DSCAM: variants seen among roughly 807,000 people sequenced by gnomAD.
DSCAM encodes the protein cell adhesion molecule DSCAM.
DSCAM carries 47 observed loss-of-function variants against 217.7 expected under a neutral mutation model. That is an observed-to-expected ratio of 0.22 (90% CI 0.17 to 0.28). The LOEUF (loss-of-function observed/expected upper bound fraction) is 0.28, where lower values mean the gene tolerates loss of function less well. Among genes scored for constraint, DSCAM ranks in the 10% least tolerant of loss-of-function variants. DSCAM has a pLI of 1.00. For synonymous variants in DSCAM, 1,056 were observed against 1,015.3 expected (o/e 1.04, Z -0.76); for missense variants, 2,080 against 2,618.3 (o/e 0.79, Z 4.49).
intron 3 of DSCAM, among the ~76,000 whole-genome samples, chr21:40,619,607 C>T (rs1438018000): frequency 6.6e-6 from 1 of 152,122 alleles, no homozygotes; most frequent in Non-Finnish European, 1.5e-5. Flanking sequence ...TCCACTCTGG[C>T]TTGAGTTGAT....
chr21:40,476,958 A>G (rs910947807), intron 3 of DSCAM, among the ~76,000 whole-genome samples: 2 of 152,198 alleles, frequency 1.3e-5, no homozygotes, highest in Non-Finnish European at 1.5e-5. Context: ...GATAAAAATA[A>G]TGTTCATTTT....
At chr21:40,840,594 T>A (rs989371733) in intron 1 of DSCAM, among the ~76,000 whole-genome samples, 1 of 152,194 alleles carries the variant, frequency 6.6e-6, no homozygotes, top group Non-Finnish European at 1.5e-5. Context: ...ATAGCTGTTG[T>A]GCAACAGTGA....
rs1286443791 is a variant in DSCAM at position 40,011,969 on chromosome 21, G to A, written c.*1065C>T. The A allele has an allele frequency of 9.9e-5, 15 of 152,160 alleles. No homozygotes were observed. Among genetic ancestry groups the A allele is most frequent in the Admixed American group, 9.8e-4 (15 of 15,286 alleles). 9.4% of individuals were successfully genotyped at this position (152,160 alleles called of 1,614,324 possible). On this transcript the variant is annotated 3_prime_UTR_variant, in exon 33 of 33. Coordinates refer to ENST00000400454, the MANE Select transcript of DSCAM (RefSeq NM_001389.5). Reference sequence around the variant, plus strand: ...GGTAATAAATATTTTAGGCTTCATGGGCTATACCATCTCTGCTGCAACTAT... The same window carrying A: ...GGTAATAAATATTTTAGGCTTCATGAGCTATACCATCTCTGCTGCAACTAT...
intron 3 of DSCAM, among the ~76,000 whole-genome samples, chr21:40,595,568 G>C (rs139499588): frequency 2.2e-4 from 34 of 152,260 alleles, no homozygotes; most frequent in African/African-American, 7.7e-4. Context: ...CTGAAGGCCA[G>C]GGTGCTGTTT....
At chr21:40,455,599 T>C (rs1312019910) in intron 3 of DSCAM, among the ~76,000 whole-genome samples, 3 of 152,044 alleles carry the variant, frequency 2.0e-5, no homozygotes, top group Admixed American at 6.6e-5. Context: ...AAACCCCGTC[T>C]CTACTGTAAA....
intron 9 of DSCAM, among the ~76,000 whole-genome samples, chr21:40,305,745 C>T (rs1022594131): frequency 4.6e-5 from 7 of 152,114 alleles, no homozygotes; most frequent in Non-Finnish European, 5.9e-5. Context: ...AAAGATCAGA[C>T]AGTTGTAGAT....
chr21:40,282,590 CAAAAAAAAAAAAAA>C (rs528248714), intron 10 of DSCAM, among the ~76,000 whole-genome samples: 149 of 32,954 alleles, frequency 4.5e-3, no homozygotes, highest in African/African-American at 8.2e-3. Context: ...GACTCTGTCT[CAAAAAAAAAAAAAA>C]AAAAAAAAAA....
intron 1 of DSCAM, among the ~76,000 whole-genome samples, chr21:40,719,384 G>A (rs2090877515): frequency 2.0e-5 from 3 of 152,118 alleles, no homozygotes. Context: ...AGTTATTGTG[G>A]AAAATTATTA....
intron 1 of DSCAM, among the ~76,000 whole-genome samples, chr21:40,795,319 G>T (rs1213590844): frequency 6.6e-6 from 1 of 151,868 alleles, no homozygotes; most frequent in Non-Finnish European, 1.5e-5. Flanking sequence ...GTGCCCAATG[G>T]CAGAGGCTCC....
chr21:40,088,117 C>T (rs1191243461), intron 21 of DSCAM, among the ~76,000 whole-genome samples: 3 of 152,160 alleles, frequency 2.0e-5, no homozygotes, highest in Non-Finnish European at 2.9e-5. Context: ...AACAGGAGCC[C>T]GGGGCTTCTC....
intron 3 of DSCAM, among the ~76,000 whole-genome samples, chr21:40,664,654 C>T (rs1298155111): frequency 6.6e-6 from 1 of 152,204 alleles, no homozygotes; most frequent in East Asian, 1.9e-4. Context: ...TCCATTGCTC[C>T]ACAGACGTGG....
intron 21 of DSCAM, among the ~76,000 whole-genome samples, chr21:40,087,898 C>T (rs2089553272): frequency 6.6e-6 from 1 of 152,156 alleles, no homozygotes; most frequent in Non-Finnish European, 1.5e-5. Context: ...ACTGGTGCAG[C>T]CCCAAGGTAG....
intron 3 of DSCAM, among the ~76,000 whole-genome samples, chr21:40,555,993 A>C (rs2076668647): frequency 1.3e-5 from 2 of 152,208 alleles, no homozygotes; most frequent in Admixed American, 1.3e-4. Flanking sequence ...GGTACCTGTT[A>C]GAAGATACTG....
At chr21:40,767,694 T>C (rs1196968809) in intron 1 of DSCAM, among the ~76,000 whole-genome samples, 1 of 152,200 alleles carries the variant, frequency 6.6e-6, no homozygotes, top group Non-Finnish European at 1.5e-5. Context: ...ATGCAAATGA[T>C]CACTTGCTAT....
intron 1 of DSCAM, among the ~76,000 whole-genome samples, chr21:40,830,272 A>G (rs912877909): frequency 6.6e-6 from 1 of 152,132 alleles, no homozygotes; most frequent in African/African-American, 2.4e-5. Context: ...AGAGACAGGG[A>G]GTAGGTGGGG....
intron 12 of DSCAM, 132 bp from the exon 13 acceptor site, chr21:40,188,119 C>T (rs1601422973): frequency 1.6e-6 from 1 of 623,574 alleles, no homozygotes; most frequent in South Asian, 2.0e-5. Flanking sequence ...CACACACACA[C>T]ACACACACTC....
At chr21:40,077,717 A>T (rs970358728) in intron 26 of DSCAM, among the ~76,000 whole-genome samples, 1 of 152,188 alleles carries the variant, frequency 6.6e-6, no homozygotes, top group African/African-American at 2.4e-5. Flanking sequence ...AGCACTTCCA[A>T]CGTGGTCTTG....
At chr21:40,321,616 C>CTT (rs548006636) in intron 8 of DSCAM, among the ~76,000 whole-genome samples, 9 of 136,550 alleles carry the variant, frequency 6.6e-5, no homozygotes, top group South Asian at 2.4e-4. Flanking sequence ...ACTGGTCATT[C>CTT]TTTTTTTTTT....
chr21:40,227,350 C>T (rs981997580), intron 11 of DSCAM, among the ~76,000 whole-genome samples: 1 of 152,274 alleles, frequency 6.6e-6, no homozygotes, highest in African/African-American at 2.4e-5. Context: ...TGCCACCTTC[C>T]TGAAGATAGA....
Sources: allele counts gnomAD v4.1 joint callset (sites outside exome capture counted in the v4.1 genomes callset), GRCh38; gene constraint gnomAD v4.1.1; transcripts MANE v1.5; gene names NCBI Gene and HGNC (gene_info 2026-07-23, HGNC 2026-07-21).